ARHGEF38: variants seen among roughly 807,000 people sequenced by gnomAD.
ARHGEF38 encodes the protein Rho guanine nucleotide exchange factor 38.
In ARHGEF38, 79 loss-of-function variants were observed where a neutral mutation model predicts 79.9. The ratio of observed to expected loss-of-function variants is 0.99; its 90% confidence interval spans 0.82 to 1.19. ARHGEF38 has a LOEUF of 1.19. Ranked by LOEUF, ARHGEF38 falls within the 50% of genes most tolerant of loss-of-function variation. The pLI is 0.00. For synonymous variants in ARHGEF38, 366 were observed against 328.3 expected, an observed-to-expected ratio of 1.11 and a Z score of -1.24; for missense variants, 962 against 907.2, an observed-to-expected ratio of 1.06 and a Z score of -0.78.
chr4:105,666,736 G>A (rs553726592), intron 11 of ARHGEF38, among the ~76,000 whole-genome samples: 104 of 152,202 alleles, frequency 6.8e-4, no homozygotes, highest in African/African-American at 2.4e-3. Context: ...CTTGATTCTT[G>A]TCTAATTTGC....
At chr4:105,562,666 T>G (rs1725692220) in intron 1 of ARHGEF38, among the ~76,000 whole-genome samples, 2 of 152,194 alleles carry the variant, frequency 1.3e-5, no homozygotes, top group South Asian at 4.1e-4. Flanking sequence ...CCTAAGAATG[T>G]TTTTTAAAAT....
intron 3 of ARHGEF38, among the ~76,000 whole-genome samples, chr4:105,623,378 G>A (rs1337157645): frequency 1.3e-5 from 2 of 152,138 alleles, no homozygotes; most frequent in Admixed American, 1.3e-4. Flanking sequence ...AAGTAATATA[G>A]AGCAACTAGC....
chr4:105,561,400 T>TAGAATAGAATGGAATAGAATGG (rs59437354), intron 1 of ARHGEF38, among the ~76,000 whole-genome samples: 2 of 30,182 alleles, frequency 6.6e-5, no homozygotes, highest in African/African-American at 2.5e-4. Context: ...TAGAGTAGAA[T>TAGAATAGAATGGAATAGAATGG]AATAGAATAG....
chr4:105,562,300 C>T (rs1725673358), intron 1 of ARHGEF38, among the ~76,000 whole-genome samples: 1 of 152,126 alleles, frequency 6.6e-6, no homozygotes. Context: ...GAATATAATT[C>T]TCCTTGGGGA....
At chr4:105,661,696 C>T (rs1301554861) in intron 10 of ARHGEF38, among the ~76,000 whole-genome samples, 4 of 152,084 alleles carry the variant, frequency 2.6e-5, no homozygotes, top group African/African-American at 7.2e-5. Flanking sequence ...TGTGTAACTA[C>T]CACCCAGATC....
At chr4:105,598,597 C>T (rs1305749728) in intron 2 of ARHGEF38, among the ~76,000 whole-genome samples, 2 of 152,038 alleles carry the variant, frequency 1.3e-5, no homozygotes, top group Non-Finnish European at 2.9e-5. Context: ...CAATCCTTTA[C>T]AAATACCGAT....
chr4:105,615,036 A>T lies in ARHGEF38; in HGVS notation c.508+1529A>T, dbSNP rs78607100. 6.1e-3 allele frequency among the ~76,000 whole-genome samples: 935 copies of T among 152,332 alleles called. 9 individuals carry two copies. The highest frequency in any genetic ancestry group is 0.022 in the African/African-American group (899 of 41,580). ...TTAAAGTATAGATTCTATTTCAACA[A>T]TAGGGTCCATGTTGAGGAGAAGATT... On this transcript the variant is annotated intron_variant, in intron 3 of 13. Transcript: ENST00000420470.
At position 105,561,439 on chromosome 4, in the gene ARHGEF38, A is replaced by AATGGAATGGAATG. The variant is rs1560684419; in HGVS notation, c.196+8478_196+8479insATGGAATGGAATG. Among the ~76,000 whole-genome samples the AATGGAATGGAATG allele has an allele frequency of 5.4e-4, 24 of 44,698 alleles. 1 individual carries two copies. Among genetic ancestry groups the AATGGAATGGAATG allele is most frequent in the African/African-American group, 2.1e-3 (21 of 10,080 alleles). The allele number at this position is 44,698 out of a possible 152,430, so 29.3% of individuals were successfully genotyped here. ...AGAATAGAATGGAATAGAATAGAAT[A>AATGGAATGGAATG]GAATAGAATGGAATAGAATAGAATA... is the stretch of plus-strand genomic sequence containing the variant. On this transcript the variant is annotated intron_variant, in intron 1 of 13. Coordinates refer to ENST00000420470, the MANE Select transcript of ARHGEF38 (RefSeq NM_001242729.2).
chr4:105,635,694 T>TG (rs1729368815), intron 4 of ARHGEF38, among the ~76,000 whole-genome samples: 1 of 152,126 alleles, frequency 6.6e-6, no homozygotes, highest in Non-Finnish European at 1.5e-5. Context: ...AGGAAATGAT[T>TG]GGAAGGAAAT....
Position 105,679,040 on chromosome 4 carries a change from T to C in ARHGEF38, c.*1103T>C. ...GGCAAGCTCACACTGCTAAATTAAC[T>C]ATCAAATACTCAGTCAAAACTCCAT... On this transcript the variant is annotated 3_prime_UTR_variant, in exon 14 of 14. Transcript: ENST00000420470. 2 of 387,742 alleles carry C rather than the reference T, an allele frequency of 5.2e-6. No individual in the cohort carries two copies. Among genetic ancestry groups the C allele is most frequent in the Non-Finnish European group, 8.5e-6 (2 of 235,646 alleles). The allele number at this position is 387,742 out of a possible 1,614,324, so 24.0% of individuals were successfully genotyped here. A position where few individuals can be genotyped will look rare whatever the true frequency, so the allele number is the denominator to read the frequency against.
intron 10 of ARHGEF38, among the ~76,000 whole-genome samples, chr4:105,660,433 TC>T (rs1286481978): frequency 6.6e-6 from 1 of 151,434 alleles, no homozygotes; most frequent in Non-Finnish European, 1.5e-5. Flanking sequence ...GCTTCCTCAT[TC>T]TTTTTTTTTT....
In ARHGEF38 at chr4:105,577,615, C is replaced by T. The variant is rs7682905; in HGVS notation, c.197-11633C>T. ...TAACTTCTCCCATCTCGCTGCTTAT[C>T]GGTCTAATCAGGGTTCCTATTTCTT... On this transcript the variant is annotated intron_variant, in intron 1 of 13. Transcript: ENST00000420470. Among the ~76,000 whole-genome samples the T allele has an allele frequency of 4.3e-3, 646 of 151,996 alleles. 2 individuals carry two copies. The highest frequency in any genetic ancestry group is 0.014 in the African/African-American group (572 of 41,476).
At chr4:105,621,596 T>G (rs984652669) in intron 3 of ARHGEF38, among the ~76,000 whole-genome samples, 1 of 152,238 alleles carries the variant, frequency 6.6e-6, no homozygotes, top group Admixed American at 6.5e-5. Flanking sequence ...CAATGTTTCT[T>G]GTAGGTCCCT....
intron 2 of ARHGEF38, among the ~76,000 whole-genome samples, chr4:105,596,292 G>A (rs28402213): frequency 0.14 from 21,924 of 152,062 alleles, 1,753 homozygotes; most frequent in Middle Eastern, 0.21. Flanking sequence ...AAAATTCTTA[G>A]CTGGCCGCTT....
intron 2 of ARHGEF38, among the ~76,000 whole-genome samples, chr4:105,593,406 C>T (rs72669965): frequency 0.16 from 24,887 of 151,734 alleles, 2,055 homozygotes; most frequent in African/African-American, 0.18. Flanking sequence ...AGTGTAGTGG[C>T]TTGCTTCTGT....
At chr4:105,574,400 A>T (rs1447685634) in intron 1 of ARHGEF38, among the ~76,000 whole-genome samples, 2 of 152,000 alleles carry the variant, frequency 1.3e-5, no homozygotes, top group African/African-American at 4.8e-5. Context: ...ACAAAAAAAA[A>T]TTTAGCCAGG....
intron 5 of ARHGEF38, among the ~76,000 whole-genome samples, chr4:105,638,899 T>A (rs1729508826): frequency 1.3e-5 from 2 of 152,116 alleles, no homozygotes; most frequent in South Asian, 4.1e-4. Context: ...ATAAGTTTAT[T>A]TTTATATATG....
chr4:105,610,324 T>G (rs1728238223), intron 2 of ARHGEF38, among the ~76,000 whole-genome samples: 1 of 152,112 alleles, frequency 6.6e-6, no homozygotes, highest in Non-Finnish European at 1.5e-5. Flanking sequence ...ATCCCATTTT[T>G]TTCAGAAGAA....
In ARHGEF38 at chr4:105,679,332, A is replaced by C; in HGVS notation, c.*1395A>C. 1.1e-6 allele frequency: 1 copy of C among 917,348 alleles called. No homozygotes were observed. Among genetic ancestry groups the C allele is most frequent in the Non-Finnish European group, 1.8e-6 (1 of 559,452 alleles). 56.8% of individuals were successfully genotyped at this position (917,348 alleles called of 1,614,324 possible). A position where few individuals can be genotyped will look rare whatever the true frequency, so the allele number is the denominator to read the frequency against. On this transcript the variant is annotated 3_prime_UTR_variant, in exon 14 of 14. Coordinates refer to ENST00000420470, the MANE Select transcript of ARHGEF38 (RefSeq NM_001242729.2). Reference sequence around the variant, plus strand: ...TGTAACCTTTGACTCAATTGGAGGAATATCAAAGCAAACACCCATATTTCC... The same window carrying C: ...TGTAACCTTTGACTCAATTGGAGGACTATCAAAGCAAACACCCATATTTCC...
Sources: allele counts gnomAD v4.1 joint callset (sites outside exome capture counted in the v4.1 genomes callset), GRCh38; gene constraint gnomAD v4.1.1; transcripts MANE v1.5; gene names NCBI Gene and HGNC (gene_info 2026-07-23, HGNC 2026-07-21).